The following HIRA variants were observed in gnomAD, a reference collection of about 807,000 sequenced individuals.
HIRA encodes histone cell cycle regulator, also known as protein HIRA.
In HIRA, 13 loss-of-function variants were observed where a neutral mutation model predicts 126.6. The observed-to-expected ratio is 0.10, with a 90% CI of 0.07 to 0.16. The LOEUF (loss-of-function observed/expected upper bound fraction) is 0.16, where lower values mean the gene tolerates loss of function less well. Among genes scored for constraint, HIRA ranks in the 10% least tolerant of loss-of-function variants. The probability of loss-of-function intolerance (pLI) is 1.00; values close to 1 mark genes in which losing one functional copy is unlikely to be tolerated. For synonymous variants in HIRA, 511 were observed against 520.0 expected (o/e 0.98, Z 0.24); for missense variants, 834 against 1,314.4 (o/e 0.63, Z 5.65).
intron 2 of HIRA, among the ~76,000 whole-genome samples, chr22:19,409,901 C>A (rs528608837): frequency 6.6e-6 from 1 of 151,428 alleles, no homozygotes; most frequent in East Asian, 2.0e-4. Flanking sequence ...GGCTTCCCTG[C>A]CCACAGCTTC....
At chr22:19,427,215 C>A (rs1017678525) in intron 1 of HIRA, among the ~76,000 whole-genome samples, 5 of 152,180 alleles carry the variant, frequency 3.3e-5, no homozygotes, top group African/African-American at 1.2e-4. Flanking sequence ...ACGTACCCTG[C>A]CCAACCCTGT....
chr22:19,390,381 T>C (rs2089167349), intron 9 of HIRA, among the ~76,000 whole-genome samples: 1 of 151,466 alleles, frequency 6.6e-6, no homozygotes, highest in African/African-American at 2.4e-5. Flanking sequence ...TCACCTGAGG[T>C]CAGGAGTTTG....
rs571347348 is a variant in HIRA at position 19,351,760 on chromosome 22, G to A, written c.2849-314C>T. Among the ~76,000 whole-genome samples the A allele has an allele frequency of 6.6e-6, 1 of 152,160 alleles. No individual in the cohort carries two copies. On this transcript the variant is annotated intron_variant, in intron 23 of 24. Transcript: ENST00000263208. The surrounding 1 kb of genome is among the most constrained non-coding windows in gnomAD (Gnocchi z 4.8). ...GATAAACTCCTTAAGGTGATGGGAA[G>A]ATATGGGAAATTGTGGGCTGGTGAG...
intron 24 of HIRA, among the ~76,000 whole-genome samples, chr22:19,333,321 T>C (rs7292766): frequency 0.4 from 60,833 of 151,906 alleles, 14,012 homozygotes; most frequent in Non-Finnish European, 0.52. Context: ...ACTACAGATA[T>C]AGAAGAAAGA....
At chr22:19,390,088 A>G (rs984106030) in intron 9 of HIRA, among the ~76,000 whole-genome samples, 7 of 152,010 alleles carry the variant, frequency 4.6e-5, no homozygotes, top group African/African-American at 1.7e-4. Context: ...TGCTCCCTGC[A>G]CTGCATGCGG....
chr22:19,378,136 A>G, intron 13 of HIRA, 70 bp from the exon 14 acceptor site: 3 of 1,235,572 alleles, frequency 2.4e-6, no homozygotes, highest in East Asian at 2.7e-5. Context: ...ATACATTCAA[A>G]TAACTTTTTT....
intron 15 of HIRA, 91 bp downstream of exon 15, chr22:19,375,540 G>A: frequency 1.0e-5 from 14 of 1,376,228 alleles, no homozygotes; most frequent in Non-Finnish European, 1.3e-5. Context: ...CCAACAGGAA[G>A]GCAGGTTGCT....
chr22:19,405,581 C>G, intron 5 of HIRA: 2 of 842,836 alleles, frequency 2.4e-6, no homozygotes, highest in Non-Finnish European at 2.9e-6. Flanking sequence ...AGTGGGGAGA[C>G]TGAATGCAGC....
chr22:19,389,396 G>GACA (rs1227050305), intron 9 of HIRA, among the ~76,000 whole-genome samples: 1 of 152,116 alleles, frequency 6.6e-6, no homozygotes, highest in African/African-American at 2.4e-5. Flanking sequence ...TGAACTGCAG[G>GACA]ACAATGGGCA....
chr22:19,361,392 C>CATTTGGT, intron 16 of HIRA, 51 bp from the exon 17 acceptor site: 3 of 1,521,662 alleles, frequency 2.0e-6, no homozygotes, highest in Non-Finnish European at 9.1e-7. Flanking sequence ...TACGGGGTAG[C>CATTTGGT]ATTTGGTAAA....
chr22:19,397,021 G>T, intron 6 of HIRA, 74 bp from the exon 7 acceptor site: 1 of 1,401,724 alleles, frequency 7.1e-7, no homozygotes, highest in Non-Finnish European at 1.0e-6. Flanking sequence ...GCCATGGGAT[G>T]GATATGCAAG....
intron 19 of HIRA, 144 bp from the exon 20 acceptor site, chr22:19,356,432 G>C (rs1556012571): frequency 1.5e-6 from 1 of 677,202 alleles, no homozygotes. Context: ...GCTACGAGTG[G>C]CTTCTGCTCT....
chr22:19,416,155 G>A (rs982972852), intron 1 of HIRA, among the ~76,000 whole-genome samples: 1 of 152,164 alleles, frequency 6.6e-6, no homozygotes, highest in African/African-American at 2.4e-5. Flanking sequence ...TTTACAAATG[G>A]TGCTGCGAAA....
intron 4 of HIRA, among the ~76,000 whole-genome samples, chr22:19,406,105 C>T (rs527922891): frequency 6.6e-5 from 10 of 151,942 alleles, no homozygotes; most frequent in African/African-American, 2.2e-4. Context: ...AAAACGTTCA[C>T]AATAAGTGAA....
chr22:19,425,291 GGAT>G (rs1164047655), intron 1 of HIRA, among the ~76,000 whole-genome samples: 3 of 152,216 alleles, frequency 2.0e-5, no homozygotes, highest in South Asian at 2.1e-4. Flanking sequence ...GACTCTGGCA[GGAT>G]GATAAAATGT....
intron 15 of HIRA, among the ~76,000 whole-genome samples, chr22:19,374,171 A>G (rs1286933965): frequency 6.6e-6 from 1 of 152,020 alleles, no homozygotes; most frequent in Non-Finnish European, 1.5e-5. Context: ...CATCTCTACT[A>G]AAATTACCAA....
In HIRA at chr22:19,361,120, T is replaced by C. The variant is rs114292580; in HGVS notation, c.2085+117A>G. ...TGCTATGACTTCTCCCAGAAGGTGA[T>C]GGAGAGCCACTGGAAACCAATCTCC... On this transcript the variant is annotated intron_variant, in intron 17 of 24. Coordinates refer to ENST00000263208, the MANE Select transcript of HIRA (RefSeq NM_003325.4). The C allele has an allele frequency of 6.2e-3, 4,845 of 785,472 alleles. 160 individuals are homozygous for C. The African/African-American group carries it at 0.071, about 11-fold the overall frequency. 48.7% of individuals were successfully genotyped at this position (785,472 alleles called of 1,614,324 possible).
chr22:19,391,257 C>T (rs1039947499), intron 9 of HIRA, among the ~76,000 whole-genome samples: 3 of 152,098 alleles, frequency 2.0e-5, no homozygotes, highest in Non-Finnish European at 4.4e-5. Flanking sequence ...AAGCAAGTAC[C>T]ACACAATTGC....
chr22:19,375,581 C>T (rs1310523120), intron 15 of HIRA, 50 bp downstream of exon 15: 1 of 1,596,124 alleles, frequency 6.3e-7, no homozygotes, highest in East Asian at 2.2e-5. Context: ...TGCTGTTGAC[C>T]CATGCCTGCA....
Sources: gnomAD v4.1 joint callset for allele counts (sites outside exome capture counted in the v4.1 genomes callset) on GRCh38, gnomAD v4.1.1 for gene constraint, Gnocchi (gnomAD v3.1) non-coding constraint, MANE v1.5 for transcripts, NCBI Gene and HGNC (gene_info 2026-07-23, HGNC 2026-07-21) for gene names.